ERO1A: variants seen among roughly 807,000 people sequenced by gnomAD.
ERO1A encodes the protein ERO1-like protein alpha.
ERO1A carries 49 observed loss-of-function variants against 76.9 expected under a neutral mutation model. The ratio of observed to expected loss-of-function variants is 0.64; its 90% CI spans 0.51 to 0.81. The LOEUF (loss-of-function observed/expected upper bound fraction) is 0.81, where lower values mean the gene tolerates loss of function less well. ERO1A is among the 30% of genes least tolerant of loss of function. ERO1A has a pLI of 0.00. For missense variants in ERO1A, 448 were observed against 542.1 expected, an observed-to-expected ratio of 0.83 and a Z score of 1.72; for synonymous variants, 174 against 181.2, an observed-to-expected ratio of 0.96 and a Z score of 0.32.
At chr14:52,684,334 A>G (rs920155628) in intron 1 of ERO1A, among the ~76,000 whole-genome samples, 4 of 152,182 alleles carry the variant, frequency 2.6e-5, no homozygotes, top group Non-Finnish European at 2.9e-5. Flanking sequence ...ATACTCCATC[A>G]TGTGAACTGA....
chr14:52,680,082 CAAAAAAAA>C (rs35358193), intron 3 of ERO1A, among the ~76,000 whole-genome samples: 1 of 90,934 alleles, frequency 1.1e-5, no homozygotes, highest in East Asian at 3.5e-4. Flanking sequence ...AAAACACAAA[CAAAAAAAA>C]AAAAAAAAAA....
chr14:52,681,466 G>A (rs1186777407), intron 3 of ERO1A, among the ~76,000 whole-genome samples: 3 of 152,044 alleles, frequency 2.0e-5, no homozygotes, highest in South Asian at 2.1e-4. Flanking sequence ...AGCTGGGCGT[G>A]GTGGCACACA....
At chr14:52,658,879 C>G (rs1316074566) in intron 9 of ERO1A, among the ~76,000 whole-genome samples, 2 of 152,064 alleles carry the variant, frequency 1.3e-5, no homozygotes, top group African/African-American at 4.8e-5. Context: ...AATCATACAA[C>G]TCTGTAAAGA....
intron 3 of ERO1A, among the ~76,000 whole-genome samples, chr14:52,680,260 A>G (rs780413336): frequency 3.3e-5 from 5 of 152,146 alleles, no homozygotes; most frequent in Non-Finnish European, 7.3e-5. Flanking sequence ...AACAATAAAT[A>G]TATATTTAAC....
intron 1 of ERO1A, among the ~76,000 whole-genome samples, chr14:52,691,929 C>A (rs958195918): frequency 6.6e-6 from 1 of 152,198 alleles, no homozygotes; most frequent in Non-Finnish European, 1.5e-5. Flanking sequence ...GCAACTAACA[C>A]TTAAGCACTA....
At position 52,694,565 on chromosome 14, in the gene ERO1A, CAG is replaced by C. The variant is rs781005723; in HGVS notation, c.114+801_114+802del. ...TTGTATAAAACGTAATTTTTATCAACAGAGTCAACCAAAAAGTGGCTTTGACA... is the reference window on the plus strand; with the variant it reads ...TTGTATAAAACGTAATTTTTATCAACAGTCAACCAAAAAGTGGCTTTGACA... On this transcript the variant is annotated intron_variant, in intron 1 of 15. Coordinates refer to ENST00000395686, the MANE Select transcript of ERO1A (RefSeq NM_014584.3). Among the ~76,000 whole-genome samples, 19 of 149,326 alleles carry C rather than the reference CAG, an allele frequency of 1.3e-4. 1 individual carries two copies. The highest frequency in any genetic ancestry group is 2.2e-4 in the Non-Finnish European group (15 of 67,992).
At chr14:52,657,339 G>A (rs1415336988) in intron 11 of ERO1A, among the ~76,000 whole-genome samples, 1 of 152,148 alleles carries the variant, frequency 6.6e-6, no homozygotes, top group Non-Finnish European at 1.5e-5. Flanking sequence ...CTAAGCCCCA[G>A]TTTTGGCCAT....
chr14:52,691,349 G>A (rs970848177), intron 1 of ERO1A, among the ~76,000 whole-genome samples: 6 of 152,154 alleles, frequency 3.9e-5, no homozygotes, highest in Admixed American at 6.5e-5. Context: ...TAAAGACTTA[G>A]TCTTGCCGAA....
rs187007150 is a variant in ERO1A, at chr14:52,645,105, C to T, written c.1346+1049G>A. Among the ~76,000 whole-genome samples the T allele has an allele frequency of 3.2e-3, 486 of 151,640 alleles. 4 individuals are homozygous for T. Among genetic ancestry groups the T allele is most frequent in the East Asian group, 0.023 (119 of 5,168 alleles). On this transcript the variant is annotated intron_variant, in intron 15 of 15. Transcript: ENST00000395686. ...AATTATTTTTAAAAGAATTATTAACCTTTTTATATAATGGTGAGTTCACAA... is the reference window on the plus strand; with the variant it reads ...AATTATTTTTAAAAGAATTATTAACTTTTTTATATAATGGTGAGTTCACAA...
At chr14:52,671,376 T>A (rs764298372) in intron 6 of ERO1A, among the ~76,000 whole-genome samples, 11 of 152,184 alleles carry the variant, frequency 7.2e-5, no homozygotes, top group Admixed American at 2.6e-4. Context: ...ATGGTAATTC[T>A]ACGTTTAGGT....
At position 52,671,399 on chromosome 14, in the gene ERO1A, G is replaced by A. The variant is rs190126578; in HGVS notation, c.508+231C>T. 9.9e-5 allele frequency among the ~76,000 whole-genome samples: 15 copies of A among 152,002 alleles called. No individual in the cohort carries two copies. In the East Asian group the frequency reaches 1.9e-3, roughly 20 times the overall value. On this transcript the variant is annotated intron_variant, in intron 6 of 15. Coordinates refer to ENST00000395686, the MANE Select transcript of ERO1A (RefSeq NM_014584.3). ...TCTACGTTTAGGTTTTTGAAGAACC[G>A]CCAAACCGTTAGAAACTGAGTTTTT...
chr14:52,667,079 G>A lies in ERO1A; in HGVS notation c.509-584C>T, dbSNP rs116084161. Among the ~76,000 whole-genome samples the A allele has an allele frequency of 2.6e-3, 400 of 152,336 alleles. 2 individuals are homozygous for A. Among genetic ancestry groups the A allele is most frequent in the African/African-American group, 9.3e-3 (385 of 41,590 alleles). On this transcript the variant is annotated intron_variant, in intron 6 of 15. Coordinates refer to ENST00000395686, the MANE Select transcript of ERO1A (RefSeq NM_014584.3). ...AAACATGGTAATTCAATTATCATAA[G>A]CTATTCAGACAAAGAATATAACATA...
intron 6 of ERO1A, among the ~76,000 whole-genome samples, chr14:52,668,150 T>C (rs913024198): frequency 1.3e-5 from 2 of 152,188 alleles, no homozygotes; most frequent in Admixed American, 6.5e-5. Context: ...CATGGAATCA[T>C]CTAGTTCAGG....
intron 13 of ERO1A, chr14:52,647,137 A>C: frequency 8.0e-6 from 1 of 124,588 alleles, no homozygotes. Flanking sequence ...CACCACGCCC[A>C]GCTAATTTTT....
Position 52,640,333 on chromosome 14 carries a change from T to C in ERO1A, c.*3237A>G, listed in dbSNP as rs370446613. On this transcript the variant is annotated 3_prime_UTR_variant, in exon 16 of 16. Coordinates refer to ENST00000395686, the MANE Select transcript of ERO1A (RefSeq NM_014584.3). ...GCTTATGTCAGGCCTGCAAGATGCA[T>C]AGGAATTTTCCAAGTGGGGAAGGAT... 1.1e-4 allele frequency: 16 copies of C among 152,294 alleles called. No individual in the cohort carries two copies. Among genetic ancestry groups the C allele is most frequent in the African/African-American group, 3.4e-4 (14 of 41,560 alleles). 9.4% of individuals were successfully genotyped at this position (152,294 alleles called of 1,614,324 possible). A position where few individuals can be genotyped will look rare whatever the true frequency, so the allele number is the denominator to read the frequency against.
At chr14:52,650,974 A>C (rs748585629) in intron 13 of ERO1A, among the ~76,000 whole-genome samples, 2 of 152,186 alleles carry the variant, frequency 1.3e-5, no homozygotes, top group African/African-American at 2.4e-5. Flanking sequence ...TTCCCAGTGA[A>C]TAAGATGAAC....
chr14:52,647,771 A>C (rs181065862), intron 13 of ERO1A, among the ~76,000 whole-genome samples: 1 of 152,318 alleles, frequency 6.6e-6, no homozygotes, highest in East Asian at 1.9e-4. Flanking sequence ...TAAGAGGGGA[A>C]TCTCAAGCTT....
chr14:52,685,717 C>T lies in ERO1A; in HGVS notation c.115-1810G>A, dbSNP rs2041154941. On this transcript the variant is annotated intron_variant, in intron 1 of 15. Transcript: ENST00000395686. ...GTTAAAATATATCTTCAAGCCTCAG[C>T]TCAGTATCACCTTTTTCAGGAAGCT... Among the ~76,000 whole-genome samples, 4 of 152,176 alleles carry T rather than the reference C, an allele frequency of 2.6e-5. No individual in the cohort carries two copies. In the South Asian group the frequency reaches 8.3e-4, roughly 32 times the overall value.
chr14:52,687,327 G>T (rs2139779534), intron 1 of ERO1A, among the ~76,000 whole-genome samples: 1 of 152,296 alleles, frequency 6.6e-6, no homozygotes, highest in East Asian at 1.9e-4. Flanking sequence ...CTGCTTAGGA[G>T]GCTGAGGTGG....
Sources: allele counts gnomAD v4.1 joint callset (sites outside exome capture counted in the v4.1 genomes callset), GRCh38; gene constraint gnomAD v4.1.1; transcripts MANE v1.5; gene names NCBI Gene and HGNC (gene_info 2026-07-23, HGNC 2026-07-21).